The following RASGRP2 variants were observed in gnomAD, a reference collection of about 807,000 sequenced individuals.
The protein encoded by RASGRP2 is RAS guanyl releasing protein 2, also known as RAS guanyl-releasing protein 2.
RASGRP2 carries 44 observed loss-of-function variants against 71.0 expected under a neutral mutation model. The observed-to-expected ratio is 0.62, with a 90% CI of 0.49 to 0.80. The LOEUF is 0.80. Ranked by LOEUF, RASGRP2 falls within the 30% of genes least tolerant of loss-of-function variation. RASGRP2 has a pLI of 0.00. For synonymous variants in RASGRP2, 350 were observed against 330.7 expected (o/e 1.06, Z -0.63); for missense variants, 663 against 813.4 (o/e 0.82, Z 2.25).
Position 64,739,391 on chromosome 11 carries a change from G to A in RASGRP2, c.782C>T (p.Thr261Ile). The A allele has an allele frequency of 1.2e-6, 2 of 1,614,156 alleles. No individual in the cohort carries two copies. Among genetic ancestry groups the A allele is most frequent in the South Asian group, 1.1e-5 (1 of 91,084 alleles). ...GGTCTCAGGGCTAACGTGGCTGTGGGTCTCCTTGAGGCGGGAGATGGAGCT... is the reference window on the plus strand; with the variant it reads ...GGTCTCAGGGCTAACGTGGCTGTGGATCTCCTTGAGGCGGGAGATGGAGCT... The part of the protein sequence containing the change: ...SHSSISRLKE[T>I]HSHVSPETIK... The change falls in exon 8 of 17, where the codon ACC becomes ATC. Residue 261 changes from threonine (T) to isoleucine (I), a missense_variant. Thr to Ile is a moderately conservative substitution (Grantham distance 89). Transcript: ENST00000394432. This position sits in a 1 kb window ranked among gnomAD's most constrained non-coding sequence, Gnocchi z 4.2.
rs1289878763 is a variant in RASGRP2, at chr11:64,739,444, C to G, written c.729G>C (p.Leu243=). Reference sequence around the variant, plus strand: ...GGCTCAGGCCCCCGACCACTGCCATCAGCGTGTTGAAGTTCTGCAGCTGTA... The same window carrying G: ...GGCTCAGGCCCCCGACCACTGCCATGAGCGTGTTGAAGTTCTGCAGCTGTA... ...KLLQLQNFNT[L]MAVVGGLSHS... is the part of the protein sequence containing the mutation. The change falls in exon 8 of 17, where the codon CTG becomes CTC. Residue 243 remains leucine (L), a synonymous_variant. Transcript: ENST00000394432. The surrounding 1 kb of genome is among the most constrained non-coding windows in gnomAD (Gnocchi z 4.2). 2 of 1,614,086 alleles carry G rather than the reference C, an allele frequency of 1.2e-6. No individual in the cohort carries two copies. Among genetic ancestry groups the G allele is most frequent in the Non-Finnish European group, 1.7e-6 (2 of 1,180,042 alleles).
At position 64,739,824 on chromosome 11, in the gene RASGRP2, AG is replaced by A; in HGVS notation, c.523-16del. On this transcript the variant is annotated splice_polypyrimidine_tract_variant and intron_variant, in intron 6 of 16. Transcript: ENST00000394432. This position sits in a 1 kb window ranked among gnomAD's most constrained non-coding sequence, Gnocchi z 4.2. ...TAGTCCTGAAACTGGGGGCATGAGG[AG>A]TGGCCTCAGCACCTTGCTGGCCTCT... The A allele has an allele frequency of 6.2e-7, 1 of 1,613,402 alleles. No individual in the cohort carries two copies. The highest frequency in any genetic ancestry group is 8.5e-7 in the Non-Finnish European group (1 of 1,179,844).
rs1254249039 is a variant in RASGRP2, at chr11:64,739,658, G to A, written c.674C>T (p.Thr225Ile). 3 of 1,613,824 alleles carry A rather than the reference G, an allele frequency of 1.9e-6. No homozygotes were observed. In the African/African-American group the frequency reaches 4.0e-5, roughly 22 times the overall value. The change falls in exon 7 of 17, where the codon ACA (threonine) becomes ATA (isoleucine). Residue 225 changes from threonine (T) to isoleucine (I), a missense_variant. Coordinates refer to ENST00000394432, the MANE Select transcript of RASGRP2 (RefSeq NM_001098671.2). This position sits in a 1 kb window ranked among gnomAD's most constrained non-coding sequence, Gnocchi z 4.2. ...CACCTCCGCCACGTGGACAAAGTGTGTGATGACCAGGGCCCGCTGCGGGGC... is the reference window on the plus strand; with the variant it reads ...CACCTCCGCCACGTGGACAAAGTGTATGATGACCAGGGCCCGCTGCGGGGC... ...PTAPQRALVI[T>I]HFVHVAEKLL...
At chr11:64,741,847 G>T (rs963447325) in intron 3 of RASGRP2, among the ~76,000 whole-genome samples, 163 bp downstream of exon 3, 10 of 152,192 alleles carry the variant, frequency 6.6e-5, no homozygotes, top group African/African-American at 2.4e-4. Context: ...GAGCAAGGAG[G>T]GGGCAGAGCC....
At chr11:64,741,643 A>G in intron 3 of RASGRP2, 142 bp from the exon 4 acceptor site, 1 of 775,060 alleles carries the variant, frequency 1.3e-6, no homozygotes, top group South Asian at 1.5e-5. Flanking sequence ...GTGAGGCTTG[A>G]GCTCTGGGAG....
chr11:64,739,245 G>A lies in RASGRP2; in HGVS notation c.813+115C>T, dbSNP rs1433475792. On this transcript the variant is annotated intron_variant, in intron 8 of 16. Coordinates refer to ENST00000394432, the MANE Select transcript of RASGRP2 (RefSeq NM_001098671.2). This position sits in a 1 kb window ranked among gnomAD's most constrained non-coding sequence, Gnocchi z 4.2. ...TGAGAAAAGCACTTAACCCCTCTGAGCCTCCATTTCCATATCTATCAAATG... is the reference window on the plus strand; with the variant it reads ...TGAGAAAAGCACTTAACCCCTCTGAACCTCCATTTCCATATCTATCAAATG... 3 of 832,880 alleles carry A rather than the reference G, an allele frequency of 3.6e-6. No individual in the cohort carries two copies. The highest frequency in any genetic ancestry group is 2.8e-5 in the South Asian group (2 of 70,740). 51.6% of individuals were successfully genotyped at this position (832,880 alleles called of 1,614,324 possible).
At chr11:64,733,347 C>T (rs1169969791) in intron 12 of RASGRP2, among the ~76,000 whole-genome samples, 9 of 151,136 alleles carry the variant, frequency 6.0e-5, no homozygotes, top group African/African-American at 9.7e-5. Context: ...TCCCTCCTGC[C>T]GAACCAGGTG....
chr11:64,729,343 T>TG (rs942908518), intron 14 of RASGRP2, among the ~76,000 whole-genome samples: 5 of 10,990 alleles, frequency 4.5e-4, no homozygotes, highest in Non-Finnish European at 2.2e-3. Context: ...GTTTTTTTGT[T>TG]GTTTTTTTTT....
intron 8 of RASGRP2, 76 bp from the exon 9 acceptor site, chr11:64,737,110 T>TGAGGAGGAGTC (rs759398793): frequency 2.2e-4 from 341 of 1,568,406 alleles, no homozygotes; most frequent in Middle Eastern, 8.3e-4. Flanking sequence ...TAGGAGGGGG[T>TGAGGAGGAGTC]GAGGAGGAGT....
rs1437764504 is a variant in RASGRP2 at position 64,741,471 on chromosome 11, A to C, written c.207T>G (p.Asn69Lys). Residue 69 changes from asparagine to lysine, a missense_variant, in exon 4 of 17, where the codon AAT becomes AAG. Transcript: ENST00000394432. ...GGTGGCACGTTTTCACCTGCAGGGA[A>C]TTGGAGTTGTCCTTCCGGGATTGTT... ...IYQQSRKDNS[N>K]SLQVKTCHLV... 2 of 1,579,480 alleles carry C rather than the reference A, an allele frequency of 1.3e-6. No individual in the cohort carries two copies. Among genetic ancestry groups the C allele is most frequent in the Non-Finnish European group, 1.7e-6 (2 of 1,161,094 alleles).
Position 64,739,115 on chromosome 11 carries a change from G to A in RASGRP2, c.813+245C>T, listed in dbSNP as rs2058037387. Among the ~76,000 whole-genome samples, 1 of 151,354 alleles carries A rather than the reference G, an allele frequency of 6.6e-6. No homozygotes were observed. The highest frequency in any genetic ancestry group is 2.4e-5 in the African/African-American group (1 of 41,144). On this transcript the variant is annotated intron_variant, in intron 8 of 16. Transcript: ENST00000394432. The surrounding 1 kb of genome is among the most constrained non-coding windows in gnomAD (Gnocchi z 4.2). ...GACTGCACCACTGAACTCCAGTCTG[G>A]ACAACAGAGAGAGAGACCCTGTCTT...
In RASGRP2 at chr11:64,739,666, C is replaced by T. The variant is rs749313179; in HGVS notation, c.666G>A (p.Leu222=). 1.2e-6 allele frequency: 2 copies of T among 1,613,906 alleles called. No individual in the cohort carries two copies. The highest frequency in any genetic ancestry group is 2.2e-5 in the South Asian group (2 of 91,078). Residue 222 remains leucine, a synonymous_variant, in exon 7 of 17, where the codon CTG becomes CTA. Coordinates refer to ENST00000394432, the MANE Select transcript of RASGRP2 (RefSeq NM_001098671.2). This position sits in a 1 kb window ranked among gnomAD's most constrained non-coding sequence, Gnocchi z 4.2. The part of the protein sequence containing the change: ...LSKPTAPQRA[L]VITHFVHVAE... ...CCACGTGGACAAAGTGTGTGATGAC[C>T]AGGGCCCGCTGCGGGGCTGTGGGTT...
In RASGRP2 at chr11:64,735,707, A is replaced by G. The variant is rs553618; in HGVS notation, c.1174-43T>C. 1,560,708 of 1,585,260 alleles carry G rather than the reference A, an allele frequency of 0.98. 771,264 individuals are homozygous for G. The highest frequency in any genetic ancestry group is 1 in the East Asian group (44,043 of 44,044). On this transcript the variant is annotated intron_variant, in intron 10 of 16. Transcript: ENST00000394432. The surrounding 1 kb of genome is among the most constrained non-coding windows in gnomAD (Gnocchi z 4.2). ...CCTGAGCTAGGGCCAGAGGCAGGGGAAGCCCAGAGCCCCGGGGAACAGAGA... is the reference window on the plus strand; with the variant it reads ...CCTGAGCTAGGGCCAGAGGCAGGGGGAGCCCAGAGCCCCGGGGAACAGAGA...
At chr11:64,728,095 C>T (rs770318199) in intron 15 of RASGRP2, among the ~76,000 whole-genome samples, 22 of 152,138 alleles carry the variant, frequency 1.4e-4, no homozygotes, top group Non-Finnish European at 2.6e-4. Context: ...TCGGACTGTT[C>T]TCAGCAAAAT....
rs1176270600 is a variant in RASGRP2 at position 64,735,867 on chromosome 11, G to C, written c.1173+36C>G. On this transcript the variant is annotated intron_variant, in intron 10 of 16. Transcript: ENST00000394432. The surrounding 1 kb of genome is among the most constrained non-coding windows in gnomAD (Gnocchi z 4.2). Reference sequence around the variant, plus strand: ...CTCACATCCTGGGATTCTCAGGAGGGAAGGGCAGAGTGGAGAGGAGGGAGT... The same window carrying C: ...CTCACATCCTGGGATTCTCAGGAGGCAAGGGCAGAGTGGAGAGGAGGGAGT... 1 of 1,594,418 alleles carries C rather than the reference G, an allele frequency of 6.3e-7. No homozygotes were observed. The highest frequency in any genetic ancestry group is 8.6e-7 in the Non-Finnish European group (1 of 1,164,816).
chr11:64,737,203 C>T, intron 8 of RASGRP2, 169 bp from the exon 9 acceptor site: 1 of 767,024 alleles, frequency 1.3e-6, no homozygotes, highest in Non-Finnish European at 2.2e-6. Flanking sequence ...GGATTGAATT[C>T]ATTGCCATGA....
intron 5 of RASGRP2, chr11:64,740,660 T>C: frequency 1.5e-6 from 1 of 649,424 alleles, no homozygotes; most frequent in Non-Finnish European, 2.8e-6. Context: ...AGGGGGATGA[T>C]ATGAGCAGAG....
Position 64,743,538 on chromosome 11 carries a change from G to A in RASGRP2, c.-72+465C>T, listed in dbSNP as rs570319878. ...TGGGAGAGGAACATTCCTGGGGCGG[G>A]GGGAGCCCGCTGCGGCCAGGAGGCG... On this transcript the variant is annotated intron_variant, in intron 1 of 16. Transcript: ENST00000394432. The surrounding 1 kb of genome is among the most constrained non-coding windows in gnomAD (Gnocchi z 4.9). 2.9e-6 allele frequency: 1 copy of A among 339,400 alleles called. No homozygotes were observed. The highest frequency in any genetic ancestry group is 5.8e-6 in the Non-Finnish European group (1 of 173,420). The allele number at this position is 339,400 out of a possible 1,614,324, so 21.0% of individuals were successfully genotyped here. A position where few individuals can be genotyped will look rare whatever the true frequency, so the allele number is the denominator to read the frequency against.
chr11:64,739,091 A>T lies in RASGRP2; in HGVS notation c.813+269T>A, dbSNP rs2058036103. Among the ~76,000 whole-genome samples, 1 of 151,428 alleles carries T rather than the reference A, an allele frequency of 6.6e-6. No homozygotes were observed. The highest frequency in any genetic ancestry group is 2.4e-5 in the African/African-American group (1 of 41,126). On this transcript the variant is annotated intron_variant, in intron 8 of 16. Transcript: ENST00000394432. The surrounding 1 kb of genome is among the most constrained non-coding windows in gnomAD (Gnocchi z 4.2). ...AGTTCAAGGCTGCAGTGAGCTTGTG[A>T]CTGCACCACTGAACTCCAGTCTGGA...
Sources: allele counts gnomAD v4.1 joint callset (sites outside exome capture counted in the v4.1 genomes callset), GRCh38; gene constraint gnomAD v4.1.1; non-coding constraint Gnocchi (gnomAD v3.1); transcripts MANE v1.5; gene names NCBI Gene and HGNC (gene_info 2026-07-23, HGNC 2026-07-21).